IQGAP2: variants seen among roughly 807,000 people sequenced by gnomAD.
IQGAP2 encodes ras GTPase-activating-like protein IQGAP2.
IQGAP2 carries 173 observed loss-of-function variants against 201.3 expected under a neutral mutation model. The ratio of observed to expected loss-of-function variants is 0.86; its 90% CI spans 0.76 to 0.98. The LOEUF (loss-of-function observed/expected upper bound fraction) is 0.98. IQGAP2 is among the 50% of genes least tolerant of loss of function. IQGAP2 has a pLI of 0.00. For missense variants in IQGAP2, 1,687 were observed against 1,864.8 expected, an observed-to-expected ratio of 0.90 and a Z score of 1.76; for synonymous variants, 675 against 673.9, an observed-to-expected ratio of 1.00 and a Z score of -0.03.
intron 2 of IQGAP2, among the ~76,000 whole-genome samples, chr5:76,517,793 G>A (rs948764941): frequency 6.6e-6 from 1 of 152,028 alleles, no homozygotes; most frequent in African/African-American, 2.4e-5. Flanking sequence ...ATGAGCTGTT[G>A]TAAGGGTTAA....
intron 1 of IQGAP2, among the ~76,000 whole-genome samples, chr5:76,457,860 T>C (rs1176673104): frequency 1.3e-5 from 2 of 152,266 alleles, no homozygotes; most frequent in East Asian, 3.8e-4. Flanking sequence ...TGCTTTGAAC[T>C]GTCATCTGAT....
chr5:76,532,830 G>A (rs1759392088), intron 2 of IQGAP2, among the ~76,000 whole-genome samples: 1 of 152,204 alleles, frequency 6.6e-6, no homozygotes, highest in African/African-American at 2.4e-5. Flanking sequence ...CAGACCCACT[G>A]CAGCAGCAAT....
intron 3 of IQGAP2, among the ~76,000 whole-genome samples, chr5:76,566,620 A>G (rs1365291821): frequency 6.6e-6 from 1 of 152,158 alleles, no homozygotes; most frequent in Non-Finnish European, 1.5e-5. Context: ...CGCTTCAGAA[A>G]CATCAGTTGC....
intron 5 of IQGAP2, among the ~76,000 whole-genome samples, chr5:76,583,977 A>G (rs974453323): frequency 6.6e-6 from 1 of 151,992 alleles, no homozygotes; most frequent in African/African-American, 2.4e-5. Context: ...GGTTCAAGCA[A>G]TTCTCCTGCC....
intron 2 of IQGAP2, among the ~76,000 whole-genome samples, chr5:76,554,899 G>A (rs1377850136): frequency 6.6e-6 from 1 of 151,982 alleles, no homozygotes; most frequent in Non-Finnish European, 1.5e-5. Context: ...AAAAGTTATG[G>A]GGGAAAATAA....
At chr5:76,461,121 G>T (rs1040898608) in intron 1 of IQGAP2, among the ~76,000 whole-genome samples, 1 of 151,882 alleles carries the variant, frequency 6.6e-6, no homozygotes, top group Non-Finnish European at 1.5e-5. Context: ...CTTGTGATCC[G>T]CCCACCTCAG....
intron 1 of IQGAP2, among the ~76,000 whole-genome samples, chr5:76,456,463 A>C (rs750799973): frequency 6.6e-6 from 1 of 152,200 alleles, no homozygotes; most frequent in African/African-American, 2.4e-5. Flanking sequence ...GGTCAAATTT[A>C]CAGAGGGTAT....
chr5:76,702,578 A>T lies in IQGAP2; in HGVS notation c.4602A>T (p.Gln1534His), dbSNP rs375336707. The change falls in exon 35 of 36, where the codon CAA (glutamine) becomes CAT (histidine). Residue 1534 changes from glutamine (Q) to histidine (H), a missense_variant. Transcript: ENST00000274364. ...TTGGTGTTGAGATGGAAAAGGTGCA[A>T]CTCAATATTCAGGTAAGCTGCTGGA... ...KFLGVEMEKVQLNIQDLLQMQ... is the reference protein window; with the variant it reads ...KFLGVEMEKVHLNIQDLLQMQ... 1.3e-6 allele frequency: 2 copies of T among 1,535,746 alleles called. No homozygotes were observed. The highest frequency in any genetic ancestry group is 1.8e-6 in the Non-Finnish European group (2 of 1,108,860).
intron 17 of IQGAP2, among the ~76,000 whole-genome samples, chr5:76,646,235 G>A (rs1163350632): frequency 1.3e-5 from 2 of 152,170 alleles, no homozygotes; most frequent in Non-Finnish European, 2.9e-5. Flanking sequence ...GTGCTGTTGG[G>A]CCACTTTTAT....
At chr5:76,426,693 G>T (rs894603186) in intron 1 of IQGAP2, among the ~76,000 whole-genome samples, 1 of 152,186 alleles carries the variant, frequency 6.6e-6, no homozygotes, top group Non-Finnish European at 1.5e-5. Context: ...TACACGAAGG[G>T]CGCTGGACGA....
At chr5:76,581,796 A>G (rs1271759191) in intron 5 of IQGAP2, among the ~76,000 whole-genome samples, 7 of 152,306 alleles carry the variant, frequency 4.6e-5, no homozygotes, top group Middle Eastern at 3.4e-3. Context: ...TGATATTGGC[A>G]GTGATATATG....
At chr5:76,634,202 G>A (rs937325897) in intron 15 of IQGAP2, among the ~76,000 whole-genome samples, 8 of 152,080 alleles carry the variant, frequency 5.3e-5, no homozygotes, top group Admixed American at 5.2e-4. Context: ...TCCTGCTGCA[G>A]TGGTAGTGCT....
At position 76,557,870 on chromosome 5, in the gene IQGAP2, G is replaced by A. The variant is rs377027090; in HGVS notation, c.147-4526G>A. On this transcript the variant is annotated intron_variant, in intron 2 of 35. Coordinates refer to ENST00000274364, the MANE Select transcript of IQGAP2 (RefSeq NM_006633.5). ...CGCCCAGGCTGGAGTGGAGTGGTGCGATCTTGGCTCACTGCAACCTCCGCC... is the reference window on the plus strand; with the variant it reads ...CGCCCAGGCTGGAGTGGAGTGGTGCAATCTTGGCTCACTGCAACCTCCGCC... 2.6e-4 allele frequency among the ~76,000 whole-genome samples: 39 copies of A among 152,076 alleles called. 2 individuals carry two copies. Among genetic ancestry groups the A allele is most frequent in the East Asian group, 1.7e-3 (9 of 5,172 alleles).
chr5:76,558,405 T>C (rs1744098433), intron 2 of IQGAP2, among the ~76,000 whole-genome samples: 1 of 152,170 alleles, frequency 6.6e-6, no homozygotes, highest in African/African-American at 2.4e-5. Flanking sequence ...TATTTGAAAA[T>C]GTAATTATTT....
chr5:76,622,566 C>G (rs1239161133), intron 13 of IQGAP2, among the ~76,000 whole-genome samples: 3 of 152,116 alleles, frequency 2.0e-5, no homozygotes, highest in African/African-American at 7.2e-5. Context: ...TTCAGGCTAA[C>G]ATTGTGATGG....
rs1230373405 is a variant in IQGAP2 at position 76,655,093 on chromosome 5, C to T, written c.2320+90C>T. ...CATATTGGTCACTTCAGAGGCTGCT[C>T]TAAGAACAGAGGATACCCATTGTTT... On this transcript the variant is annotated intron_variant, in intron 20 of 35. Transcript: ENST00000274364. The T allele has an allele frequency of 8.0e-6, 7 of 876,048 alleles. No homozygotes were observed. In the African/African-American group the frequency reaches 1.0e-4, roughly 13 times the overall value. 54.3% of individuals were successfully genotyped at this position (876,048 alleles called of 1,614,324 possible).
chr5:76,496,775 TTC>T (rs1387128981), intron 2 of IQGAP2, among the ~76,000 whole-genome samples: 2 of 119,470 alleles, frequency 1.7e-5, no homozygotes, highest in African/African-American at 4.2e-5. Flanking sequence ...CTTTCTTTCT[TTC>T]TTTCTTTCTT....
Position 76,403,682 on chromosome 5 carries a change from C to T in IQGAP2, c.46+91C>T, listed in dbSNP as rs1750635137. On this transcript the variant is annotated intron_variant, in intron 1 of 35. Transcript: ENST00000274364. This position sits in a 1 kb window ranked among gnomAD's most constrained non-coding sequence, Gnocchi z 4.8. The stretch of plus-strand genomic sequence containing the variant: ...GGAGAAGCCGAGGGAGCCGGTTGCG[C>T]GGCGCAGAGGAAATTGGAAGGCAGC... 4 of 1,155,448 alleles carry T rather than the reference C, an allele frequency of 3.5e-6. No homozygotes were observed. The highest frequency in any genetic ancestry group is 4.6e-6 in the Non-Finnish European group (4 of 860,714). The allele number at this position is 1,155,448 out of a possible 1,614,324, so 71.6% of individuals were successfully genotyped here. A position where few individuals can be genotyped will look rare whatever the true frequency, so the allele number is the denominator to read the frequency against.
chr5:76,622,884 CG>C (rs1670063186), intron 13 of IQGAP2, among the ~76,000 whole-genome samples: 1 of 152,238 alleles, frequency 6.6e-6, no homozygotes, highest in East Asian at 1.9e-4. Flanking sequence ...AACACAAAAA[CG>C]ACTTTCAAAA....
Sources: gnomAD v4.1 joint callset for allele counts (sites outside exome capture counted in the v4.1 genomes callset) on GRCh38, gnomAD v4.1.1 for gene constraint, Gnocchi (gnomAD v3.1) non-coding constraint, MANE v1.5 for transcripts, NCBI Gene and HGNC (gene_info 2026-07-23, HGNC 2026-07-21) for gene names.